NUP62CL: variants seen among roughly 807,000 people sequenced by gnomAD.
The protein encoded by NUP62CL is nucleoporin 62 C-terminal like.
In NUP62CL, 13 loss-of-function variants were observed where a neutral mutation model predicts 15.3. The ratio of observed to expected loss-of-function variants is 0.85; its 90% CI spans 0.55 to 1.35. The LOEUF is 1.35. Among genes scored for constraint, NUP62CL ranks in the 40% most tolerant of loss-of-function variants. The probability of loss-of-function intolerance (pLI) is 0.00; values close to 1 mark genes in which losing one functional copy is unlikely to be tolerated. For synonymous variants in NUP62CL, 54 were observed against 49.2 expected (o/e 1.10, Z -0.41); for missense variants, 123 against 130.6 (o/e 0.94, Z 0.28).
intron 2 of NUP62CL, among the ~76,000 whole-genome samples, chrX:107,184,096 C>T (rs952123818): frequency 9.1e-6 from 1 of 109,467 alleles, no homozygotes; most frequent in Non-Finnish European, 1.9e-5. Context: ...CCCCCCTCCA[C>T]CAGAACAATG....
intron 2 of NUP62CL, among the ~76,000 whole-genome samples, chrX:107,183,408 G>A (rs769371269): frequency 9.9e-5 from 11 of 110,644 alleles, no homozygotes; most frequent in Non-Finnish European, 1.5e-4. Flanking sequence ...ACCAGCCTGA[G>A]CAACATAATG....
chrX:107,124,523 C>CT (rs200762509), intron 8 of NUP62CL, among the ~76,000 whole-genome samples, 191 bp from the exon 9 acceptor site: 36 of 104,809 alleles, frequency 3.4e-4, no homozygotes, highest in East Asian at 3.3e-3. Context: ...ATGGACAAGA[C>CT]TTTTTTTTTT....
chrX:107,124,472 GA>G, intron 8 of NUP62CL, 140 bp from the exon 9 acceptor site: 1 of 282,972 alleles, frequency 3.5e-6, no homozygotes, highest in Non-Finnish European at 6.6e-6. Flanking sequence ...AAACACATAA[GA>G]AAAAAACACT....
chrX:107,177,344 T>A (rs1926810332), intron 2 of NUP62CL, among the ~76,000 whole-genome samples: 1 of 111,482 alleles, frequency 9.0e-6, no homozygotes, highest in South Asian at 3.8e-4. Context: ...AGACTTAATA[T>A]TGTTAAGATG....
At chrX:107,159,815 C>G (rs1473835107) in intron 4 of NUP62CL, among the ~76,000 whole-genome samples, 1 of 86,058 alleles carries the variant, frequency 1.2e-5, no homozygotes, top group Non-Finnish European at 2.3e-5. Flanking sequence ...AAAGGGTATT[C>G]AATTAGGAAA....
intron 8 of NUP62CL, among the ~76,000 whole-genome samples, chrX:107,142,158 C>CAATAATT (rs1925785837): frequency 9.0e-6 from 1 of 110,944 alleles, no homozygotes; most frequent in Non-Finnish European, 1.9e-5. Flanking sequence ...TACCCTCAGA[C>CAATAATT]AATAAATATT....
intron 8 of NUP62CL, chrX:107,132,390 T>C (rs1925538274): frequency 4.5e-6 from 2 of 445,085 alleles, no homozygotes; most frequent in Non-Finnish European, 7.8e-6. Flanking sequence ...TTTTACTGGC[T>C]ATACACACAT....
At chrX:107,130,050 A>T (rs180821602) in intron 8 of NUP62CL, among the ~76,000 whole-genome samples, 107 of 111,824 alleles carry the variant, frequency 9.6e-4, no homozygotes, top group African/African-American at 3.3e-3. Context: ...TAACGAGAAA[A>T]TAGGAGAGAA....
chrX:107,200,769 A>G (rs1489191224), intron 1 of NUP62CL, among the ~76,000 whole-genome samples: 1 of 109,592 alleles, frequency 9.1e-6, no homozygotes, highest in Non-Finnish European at 1.9e-5. Flanking sequence ...AGGGCAGGGA[A>G]TAGGGGAGGG....
chrX:107,185,129 G>A (rs1156237595), intron 2 of NUP62CL, among the ~76,000 whole-genome samples: 1 of 100,747 alleles, frequency 9.9e-6, no homozygotes, highest in Non-Finnish European at 2.0e-5. Flanking sequence ...CCCCGGAGGC[G>A]GAGCTTGCAG....
intron 8 of NUP62CL, among the ~76,000 whole-genome samples, chrX:107,126,672 A>C (rs1448855296): frequency 8.9e-6 from 1 of 112,266 alleles, no homozygotes; most frequent in East Asian, 2.8e-4. Context: ...CCCCACCTTT[A>C]ACTATATACA....
At chrX:107,132,454 T>C (rs901214062) in intron 8 of NUP62CL, among the ~76,000 whole-genome samples, 8 of 112,278 alleles carry the variant, frequency 7.1e-5, no homozygotes, top group African/African-American at 2.3e-4. Flanking sequence ...CAGACATGAA[T>C]TGGATTTTTA....
intron 5 of NUP62CL, among the ~76,000 whole-genome samples, 170 bp downstream of exon 5, chrX:107,153,926 T>A (rs1384452856): frequency 9.0e-6 from 1 of 111,479 alleles, no homozygotes; most frequent in East Asian, 2.8e-4. Flanking sequence ...TGAGCTGTAA[T>A]TGCACCACTG....
Position 107,184,292 on chromosome X carries a change from AAGAG to A in NUP62CL, c.-48+8733_-48+8736del, listed in dbSNP as rs1926986910. On this transcript the variant is annotated intron_variant, in intron 2 of 8. Coordinates refer to ENST00000372466, the MANE Select transcript of NUP62CL (RefSeq NM_017681.3). ...GAAAAAACCCGCCTCAGCACAAAAA[AAGAG>A]AAGAAAGAAAGAAAGAAAGAAAGAA... Among the ~76,000 whole-genome samples, 328 of 54,286 alleles carry A rather than the reference AAGAG, an allele frequency of 6.0e-3. 4 individuals carry two copies. The highest frequency in any genetic ancestry group is 0.03 in the African/African-American group (313 of 10,537). 47.1% of individuals were successfully genotyped at this position (54,286 alleles called of 115,157 possible).
chrX:107,128,543 T>A (rs188539436), intron 8 of NUP62CL, among the ~76,000 whole-genome samples: 1 of 112,031 alleles, frequency 8.9e-6, no homozygotes, highest in East Asian at 2.8e-4. Flanking sequence ...TAAACAGACA[T>A]GTAGACAAAT....
chrX:107,148,836 G>A (rs181635390), intron 7 of NUP62CL, among the ~76,000 whole-genome samples: 7 of 111,464 alleles, frequency 6.3e-5, no homozygotes, highest in African/African-American at 2.3e-4. Context: ...GTGAATACTG[G>A]AACACATAGC....
At chrX:107,126,911 G>A (rs1925398976) in intron 8 of NUP62CL, among the ~76,000 whole-genome samples, 1 of 110,719 alleles carries the variant, frequency 9.0e-6, no homozygotes, top group Non-Finnish European at 1.9e-5. Context: ...GCAGGAGCCT[G>A]TAATCCCAGC....
intron 8 of NUP62CL, among the ~76,000 whole-genome samples, chrX:107,140,974 T>C (rs1925753633): frequency 8.9e-6 from 1 of 112,253 alleles, no homozygotes; most frequent in African/African-American, 3.2e-5. Flanking sequence ...AATCCGTCCT[T>C]CTCACAAACA....
At chrX:107,152,488 T>G (rs973458098) in intron 7 of NUP62CL, among the ~76,000 whole-genome samples, 6 of 110,812 alleles carry the variant, frequency 5.4e-5, no homozygotes, top group African/African-American at 2.0e-4. Flanking sequence ...TAATAAGTCA[T>G]TGATAAAATG....
Sources: gnomAD v4.1 joint callset for allele counts (sites outside exome capture counted in the v4.1 genomes callset) on GRCh38, gnomAD v4.1.1 for gene constraint, MANE v1.5 for transcripts, NCBI Gene and HGNC (gene_info 2026-07-23, HGNC 2026-07-21) for gene names.